The following KSR2 variants were observed in gnomAD, a reference collection of about 807,000 sequenced individuals.
KSR2 encodes kinase suppressor of ras 2.
KSR2 carries 25 observed loss-of-function variants against 107.8 expected under a neutral mutation model. The ratio of observed to expected loss-of-function variants is 0.23; its 90% CI spans 0.17 to 0.32. The LOEUF is 0.32. Ranked by LOEUF, KSR2 falls within the 10% of genes least tolerant of loss-of-function variation. The probability of loss-of-function intolerance (pLI) is 1.00; values close to 1 mark genes in which losing one functional copy is unlikely to be tolerated. For missense variants in KSR2, 887 were observed against 1,268.9 expected (o/e 0.70, Z 4.57); for synonymous variants, 480 against 507.0 (o/e 0.95, Z 0.71).
Position 117,794,462 on chromosome 12 carries a change from GCA to G in KSR2, c.473-32940_473-32939del, listed in dbSNP as rs1317704692. The stretch of plus-strand genomic sequence containing the variant: ...CACCAACATGCACACACACCAACAT[GCA>G]CACTCACACCAACATGCACACTCAC... On this transcript the variant is annotated intron_variant, in intron 3 of 19. Coordinates refer to ENST00000339824, the MANE Select transcript of KSR2 (RefSeq NM_173598.6). Among the ~76,000 whole-genome samples, 14 of 90,026 alleles carry G rather than the reference GCA, an allele frequency of 1.6e-4. 2 individuals carry two copies. Among genetic ancestry groups the G allele is most frequent in the East Asian group, 8.8e-4 (2 of 2,280 alleles). 59.1% of individuals were successfully genotyped at this position (90,026 alleles called of 152,430 possible). A position where few individuals can be genotyped will look rare whatever the true frequency, so the allele number is the denominator to read the frequency against.
intron 4 of KSR2, among the ~76,000 whole-genome samples, chr12:117,733,059 G>A (rs78994974): frequency 0.14 from 20,790 of 152,178 alleles, 1,688 homozygotes; most frequent in Non-Finnish European, 0.19. Context: ...ATTAATTAAT[G>A]GAAAATAGGA....
At chr12:117,826,637 A>G (rs1891762050) in intron 3 of KSR2, among the ~76,000 whole-genome samples, 1 of 152,146 alleles carries the variant, frequency 6.6e-6, no homozygotes, top group African/African-American at 2.4e-5. Context: ...ACCTCTGTGA[A>G]GCACTGCCTG....
chr12:117,885,136 TTCTGAGAGGC>T (rs1482172457), intron 1 of KSR2, among the ~76,000 whole-genome samples: 1 of 152,160 alleles, frequency 6.6e-6, no homozygotes, highest in Non-Finnish European at 1.5e-5. Context: ...TCTGAGAGGC[TTCTGAGAGGC>T]TCTGAGAGGC....
intron 14 of KSR2, among the ~76,000 whole-genome samples, chr12:117,495,036 T>C (rs1290284071): frequency 6.6e-6 from 1 of 152,172 alleles, no homozygotes; most frequent in Non-Finnish European, 1.5e-5. Flanking sequence ...ATAAAAGACA[T>C]AGATAGCTGG....
intron 4 of KSR2, among the ~76,000 whole-genome samples, chr12:117,690,017 GAGA>G (rs1183559385): frequency 1.3e-5 from 2 of 152,018 alleles, no homozygotes; most frequent in African/African-American, 4.8e-5. Flanking sequence ...AAGAGAGAAA[GAGA>G]AGGAGGGAAG....
chr12:117,849,954 A>G (rs1356492274), intron 3 of KSR2, among the ~76,000 whole-genome samples: 1 of 152,248 alleles, frequency 6.6e-6, no homozygotes, highest in Admixed American at 6.5e-5. Flanking sequence ...TGGGGCTATT[A>G]AGATGAATAC....
intron 3 of KSR2, among the ~76,000 whole-genome samples, chr12:117,845,887 G>T (rs1892686501): frequency 6.6e-6 from 1 of 150,670 alleles, no homozygotes; most frequent in African/African-American, 2.4e-5. Context: ...ATGGGGTTTT[G>T]CTGTGTTGCC....
intron 1 of KSR2, among the ~76,000 whole-genome samples, chr12:117,949,386 C>A (rs1322400297): frequency 1.3e-5 from 2 of 151,200 alleles, no homozygotes; most frequent in African/African-American, 4.9e-5. Context: ...ATCCAGGATA[C>A]ATAAATAACT....
intron 5 of KSR2, among the ~76,000 whole-genome samples, chr12:117,632,217 C>CAT (rs1882839805): frequency 8.2e-6 from 1 of 121,618 alleles, no homozygotes; most frequent in Non-Finnish European, 1.7e-5. Context: ...TAGTCCTACT[C>CAT]CTTTTTTTTT....
intron 1 of KSR2, among the ~76,000 whole-genome samples, chr12:117,925,467 TTAAA>T (rs1345885375): frequency 6.6e-6 from 1 of 152,240 alleles, no homozygotes. Context: ...AGAAAACTTT[TTAAA>T]TAGTCTCTTA....
intron 5 of KSR2, among the ~76,000 whole-genome samples, chr12:117,657,838 T>C (rs939171259): frequency 8.5e-5 from 13 of 152,220 alleles, no homozygotes; most frequent in Non-Finnish European, 2.9e-5. Flanking sequence ...GGCACAGTGA[T>C]GAACAAGACT....
intron 3 of KSR2, among the ~76,000 whole-genome samples, chr12:117,792,305 G>A (rs560129042): frequency 1.3e-5 from 2 of 152,136 alleles, no homozygotes; most frequent in Admixed American, 1.3e-4. Context: ...AGCTGAGATC[G>A]TGCCATTGCA....
chr12:117,538,967 G>A (rs573251964), intron 10 of KSR2, among the ~76,000 whole-genome samples: 10 of 152,092 alleles, frequency 6.6e-5, no homozygotes, highest in East Asian at 3.9e-4. Context: ...CTTAGGTCTC[G>A]TCTACCTGAA....
rs147125916 is a variant in KSR2 at position 117,504,183 on chromosome 12, T to G, written c.2220-18492A>C. ...ACAGAAAATAAATGTCCAGAGAGAT[T>G]AAAAACATGGGTTCTGTGCCCCAAA... On this transcript the variant is annotated intron_variant, in intron 14 of 19. Coordinates refer to ENST00000339824, the MANE Select transcript of KSR2 (RefSeq NM_173598.6). Among the ~76,000 whole-genome samples, 354 of 152,254 alleles carry G rather than the reference T, an allele frequency of 2.3e-3. 4 individuals are homozygous for G. Among genetic ancestry groups the G allele is most frequent in the South Asian group, 8.9e-3 (43 of 4,812 alleles).
intron 5 of KSR2, among the ~76,000 whole-genome samples, chr12:117,654,904 A>T (rs181284670): frequency 8.7e-4 from 133 of 152,284 alleles, no homozygotes; most frequent in African/African-American, 3.0e-3. Flanking sequence ...GCCCATGAAC[A>T]AAGTGGCCAC....
intron 5 of KSR2, among the ~76,000 whole-genome samples, chr12:117,628,257 T>C (rs1433430086): frequency 6.6e-6 from 1 of 152,224 alleles, no homozygotes; most frequent in African/African-American, 2.4e-5. Flanking sequence ...GGAGCTGCAA[T>C]CCTTTGGAGG....
intron 4 of KSR2, among the ~76,000 whole-genome samples, chr12:117,692,491 T>C (rs371451767): frequency 8.3e-5 from 8 of 96,194 alleles, no homozygotes; most frequent in African/African-American, 2.8e-4. Flanking sequence ...TATATATATA[T>C]ATATATATAT....
intron 15 of KSR2, 25 bp from the exon 16 acceptor site, chr12:117,484,574 T>C (rs1872352946): frequency 6.2e-7 from 1 of 1,611,646 alleles, no homozygotes; most frequent in Non-Finnish European, 8.5e-7. Flanking sequence ...GAACAGAGAG[T>C]TGCCAGAGAA....
At chr12:117,821,399 A>C (rs1454791343) in intron 3 of KSR2, among the ~76,000 whole-genome samples, 1 of 152,124 alleles carries the variant, frequency 6.6e-6, no homozygotes, top group Non-Finnish European at 1.5e-5. Flanking sequence ...ATGATGATCT[A>C]CTTCCACTTA....
Sources: allele counts gnomAD v4.1 joint callset (sites outside exome capture counted in the v4.1 genomes callset), GRCh38; gene constraint gnomAD v4.1.1; transcripts MANE v1.5; gene names NCBI Gene and HGNC (gene_info 2026-07-23, HGNC 2026-07-21).